SOX13: variants seen among roughly 807,000 people sequenced by gnomAD.
The protein encoded by SOX13 is SRY-box transcription factor 13.
In SOX13, 28 loss-of-function variants were observed where a neutral mutation model predicts 71.8. The observed-to-expected ratio is 0.39, with a 90% CI of 0.29 to 0.53. The LOEUF is 0.53. Among genes scored for constraint, SOX13 ranks in the 20% least tolerant of loss-of-function variants. SOX13 has a pLI of 0.70. For missense variants in SOX13, 627 were observed against 810.3 expected (o/e 0.77, Z 2.75); for synonymous variants, 309 against 317.8 (o/e 0.97, Z 0.29).
chr1:204,126,289 G>T lies in SOX13; in HGVS notation c.*155G>T. The T allele has an allele frequency of 6.2e-6, 5 of 812,250 alleles. No homozygotes were observed. The highest frequency in any genetic ancestry group is 2.6e-5 in the Admixed American group (1 of 38,986). 50.3% of individuals were successfully genotyped at this position (812,250 alleles called of 1,614,324 possible). ...TGCACTTGCAGATACATTCATGAGG[G>T]GAGAGGCGCCCTCCCTTCCTGAGGA... On this transcript the variant is annotated 3_prime_UTR_variant, in exon 14 of 14. Coordinates refer to ENST00000367204, the MANE Select transcript of SOX13 (RefSeq NM_005686.3).
intron 1 of SOX13, among the ~76,000 whole-genome samples, chr1:204,089,273 G>A (rs1321524121): frequency 6.6e-6 from 1 of 152,104 alleles, no homozygotes; most frequent in Non-Finnish European, 1.5e-5. Flanking sequence ...GCTAGAGGAC[G>A]GTTTTAGCAC....
chr1:204,106,795 G>A (rs776262729), intron 1 of SOX13, among the ~76,000 whole-genome samples: 16 of 152,090 alleles, frequency 1.1e-4, no homozygotes, highest in Non-Finnish European at 1.9e-4. Context: ...GTGAGCCATC[G>A]CGCCCAGCGA....
chr1:204,092,218 A>G (rs1173563193), intron 1 of SOX13, among the ~76,000 whole-genome samples: 1 of 151,706 alleles, frequency 6.6e-6, no homozygotes, highest in Non-Finnish European at 1.5e-5. Flanking sequence ...TGTAGAAACA[A>G]GGTCTTGCTA....
At chr1:204,099,126 A>G (rs1656310394) in intron 1 of SOX13, among the ~76,000 whole-genome samples, 1 of 152,160 alleles carries the variant, frequency 6.6e-6, no homozygotes, top group Admixed American at 6.5e-5. Flanking sequence ...TCTGACTAGT[A>G]GAAGAGAAGC....
At chr1:204,099,457 T>C (rs577856488) in intron 1 of SOX13, among the ~76,000 whole-genome samples, 12 of 121,830 alleles carry the variant, frequency 9.8e-5, no homozygotes, top group Non-Finnish European at 2.0e-4. Flanking sequence ...TGAGACAGGG[T>C]CTCTGTAGCT....
In SOX13 at chr1:204,081,887, G is replaced by A. The variant is rs879869618; in HGVS notation, c.-2+8176G>A. On this transcript the variant is annotated intron_variant, in intron 1 of 13. Transcript: ENST00000367204. This position sits in a 1 kb window ranked among gnomAD's most constrained non-coding sequence, Gnocchi z 4.3. ...GTGGGGTAGGGTGGGGAAAGAAGGG[G>A]GAATAAAATGTAGTGGGGAGGGGTG... Among the ~76,000 whole-genome samples the A allele has an allele frequency of 1.5e-4, 23 of 152,196 alleles. No homozygotes were observed. In the East Asian group the frequency reaches 4.1e-3, roughly 27 times the overall value.
chr1:204,079,884 C>T (rs1323671758), intron 1 of SOX13, among the ~76,000 whole-genome samples: 1 of 150,120 alleles, frequency 6.7e-6, no homozygotes, highest in Non-Finnish European at 1.5e-5. Context: ...GAGGTTTCCC[C>T]TGCCTCCTCC....
In SOX13 at chr1:204,073,607, A is replaced by T. The variant is rs1380913547; in HGVS notation, c.-106A>T. 6.6e-6 allele frequency: 1 copy of T among 150,612 alleles called. No individual in the cohort carries two copies. The highest frequency in any genetic ancestry group is 1.5e-5 in the Non-Finnish European group (1 of 67,578). The allele number at this position is 150,612 out of a possible 1,614,324, so 9.3% of individuals were successfully genotyped here. A position where few individuals can be genotyped will look rare whatever the true frequency, so the allele number is the denominator to read the frequency against. The stretch of plus-strand genomic sequence containing the variant: ...GGCCCGCCCGCCGCGTCGCGGGGGC[A>T]TGTGAGCGGGAAGCCTAGGCTGCCA... On this transcript the variant is annotated 5_prime_UTR_variant, in exon 1 of 14. The change abolishes an upstream ATG in the 5' untranslated region. Transcript: ENST00000367204. The surrounding 1 kb of genome is among the most constrained non-coding windows in gnomAD (Gnocchi z 6.8).
intron 1 of SOX13, among the ~76,000 whole-genome samples, chr1:204,097,693 CA>C (rs35230746): frequency 0.016 from 1,096 of 69,948 alleles, 9 homozygotes; most frequent in African/African-American, 0.045. Flanking sequence ...AACTCCGTCT[CA>C]AAAAAAAAAA....
chr1:204,116,190 T>C (rs1656689829), intron 4 of SOX13: 2 of 1,311,880 alleles, frequency 1.5e-6, no homozygotes, highest in African/African-American at 1.5e-5. Flanking sequence ...ACCCTGACCC[T>C]GTGTGGCGCT....
At chr1:204,120,357 T>C (rs1038068639) in intron 7 of SOX13, among the ~76,000 whole-genome samples, 3 of 152,234 alleles carry the variant, frequency 2.0e-5, no homozygotes, top group African/African-American at 7.2e-5. Flanking sequence ...AACTGCTTTC[T>C]GGGCAGGTAA....
intron 1 of SOX13, among the ~76,000 whole-genome samples, chr1:204,093,779 C>CT (rs1656194496): frequency 6.6e-6 from 1 of 152,216 alleles, no homozygotes; most frequent in South Asian, 2.1e-4. Flanking sequence ...AGTTTTGTCC[C>CT]TGAAGAAAAT....
At chr1:204,114,186 G>T in intron 2 of SOX13, 135 bp from the exon 3 acceptor site, 1 of 608,262 alleles carries the variant, frequency 1.6e-6, no homozygotes, top group Admixed American at 3.0e-5. Flanking sequence ...AGGCCAAAGG[G>T]ACCTAGTGAG....
chr1:204,105,709 T>C (rs754465407), intron 1 of SOX13, among the ~76,000 whole-genome samples: 6 of 152,106 alleles, frequency 3.9e-5, no homozygotes, highest in Non-Finnish European at 7.3e-5. Context: ...TTCTATACAG[T>C]CTTGAAGCAG....
intron 7 of SOX13, chr1:204,119,612 A>C (rs1656762603): frequency 6.6e-6 from 1 of 152,192 alleles, no homozygotes; most frequent in African/African-American, 2.4e-5. Context: ...TCCCCAGTTC[A>C]TTTTCTTGTC....
chr1:204,123,169 C>T lies in SOX13; in HGVS notation c.1192C>T (p.His398Tyr). The T allele has an allele frequency of 6.2e-7, 1 of 1,613,618 alleles. No individual in the cohort carries two copies. The highest frequency in any genetic ancestry group is 1.1e-5 in the South Asian group (1 of 91,076). Residue 398 changes from histidine to tyrosine, a missense_variant, in exon 11 of 14, where the codon CAC (histidine) becomes TAC (tyrosine). Around this residue, in one of 3 missense-constraint regions of SOX13, gnomAD observed 447 missense variants for 532.2 expected, o/e 0.84. Transcript: ENST00000367204. This position sits in a 1 kb window ranked among gnomAD's most constrained non-coding sequence, Gnocchi z 5.0. ...GGAGCGGCTGGAGGACGGCTGTGTG[C>T]ACCCACTGGAGGAAGCCATGCTGAG... is the stretch of plus-strand genomic sequence containing the variant. ...AKERLEDGCV[H>Y]PLEEAMLSCD...
At chr1:204,107,397 C>A (rs547696975) in intron 1 of SOX13, among the ~76,000 whole-genome samples, 3 of 152,204 alleles carry the variant, frequency 2.0e-5, no homozygotes, top group Non-Finnish European at 4.4e-5. Flanking sequence ...ACTGTGCAGA[C>A]CCCCAGCTGC....
At chr1:204,096,239 G>GTTTTTTTTTTTTTTTTTTTTTT (rs59094119) in intron 1 of SOX13, among the ~76,000 whole-genome samples, 1 of 85,360 alleles carries the variant, frequency 1.2e-5, no homozygotes, top group Admixed American at 1.8e-4. Context: ...TCTTTCTTTC[G>GTTTTTTTTTTTTTTTTTTTTTT]TTTTTTTTTT....
intron 3 of SOX13, 34 bp from the exon 4 acceptor site, chr1:204,114,485 G>A (rs1358010217): frequency 6.2e-7 from 1 of 1,608,268 alleles, no homozygotes; most frequent in East Asian, 2.2e-5. Flanking sequence ...GAGGTGTTAA[G>A]ACGGTTATTC....
Sources: gnomAD v4.1 joint callset for allele counts (sites outside exome capture counted in the v4.1 genomes callset) on GRCh38, gnomAD v4.1.1 for gene constraint, gnomAD v4.1.1 regional missense constraint, Gnocchi (gnomAD v3.1) non-coding constraint, MANE v1.5 for transcripts, NCBI Gene and HGNC (gene_info 2026-07-23, HGNC 2026-07-21) for gene names.